Variants in EXOC5 observed in about 807,000 individuals in gnomAD.
EXOC5 encodes the protein exocyst complex component 5, also known as SEC10-like 1.
A neutral mutation model predicts 90.8 loss-of-function variants in EXOC5; 17 were observed. That is an observed-to-expected ratio of 0.19 (90% confidence interval 0.13 to 0.28). The LOEUF (loss-of-function observed/expected upper bound fraction) is 0.28. EXOC5 is among the 10% of genes least tolerant of loss of function. The probability of loss-of-function intolerance (pLI) is 1.00; values close to 1 mark genes in which losing one functional copy is unlikely to be tolerated. For missense variants in EXOC5, 569 were observed against 830.6 expected, an observed-to-expected ratio of 0.69 and a Z score of 3.87; for synonymous variants, 260 against 270.0, an observed-to-expected ratio of 0.96 and a Z score of 0.36.
At chr14:57,248,800 C>T (rs559385161) in intron 1 of EXOC5, among the ~76,000 whole-genome samples, 15 of 152,096 alleles carry the variant, frequency 9.9e-5, no homozygotes, top group African/African-American at 3.6e-4. Context: ...AGAATTAAGT[C>T]CCAAGGATGA....
At chr14:57,251,318 G>C (rs573230678) in intron 1 of EXOC5, among the ~76,000 whole-genome samples, 2 of 152,284 alleles carry the variant, frequency 1.3e-5, no homozygotes, top group Admixed American at 1.3e-4. Context: ...CCTGCTCTGA[G>C]GGCTAATTGC....
At position 57,233,968 on chromosome 14, in the gene EXOC5, A is replaced by G; in HGVS notation, c.714+20T>C. 3.8e-6 allele frequency: 6 copies of G among 1,596,970 alleles called. No homozygotes were observed. In the African/African-American group the frequency reaches 4.0e-5, roughly 11 times the overall value. On this transcript the variant is annotated intron_variant, in intron 8 of 17. Coordinates refer to ENST00000621441, the MANE Select transcript of EXOC5 (RefSeq NM_006544.4). ...CAATTAGCATAAAATAATATCCAAC[A>G]AAGTGTACTGTTATGTTACCTCCTG...
intron 4 of EXOC5, among the ~76,000 whole-genome samples, chr14:57,242,610 T>C (rs1354228944): frequency 6.6e-6 from 1 of 152,144 alleles, no homozygotes; most frequent in African/African-American, 2.4e-5. Context: ...AAGAATATGA[T>C]GTGTTGATAT....
chr14:57,243,916 C>A (rs183398751), intron 4 of EXOC5, among the ~76,000 whole-genome samples: 1 of 152,218 alleles, frequency 6.6e-6, no homozygotes, highest in African/African-American at 2.4e-5. Context: ...ACAGCTACCA[C>A]AGCATTTTTA....
At chr14:57,228,808 AAC>A (rs973187067) in intron 12 of EXOC5, among the ~76,000 whole-genome samples, 7 of 151,532 alleles carry the variant, frequency 4.6e-5, no homozygotes, top group Non-Finnish European at 1.0e-4. Context: ...ATACCTATGT[AAC>A]AAACCTGCAT....
In EXOC5 at chr14:57,237,375, CA is replaced by C; in HGVS notation, c.531-10del. The stretch of plus-strand genomic sequence containing the variant: ...ATTTAACTTCTGAAAATCTGAAAGA[CA>C]AAAACCAACCATGAGGTTTGTTAGT... On this transcript the variant is annotated splice_polypyrimidine_tract_variant and intron_variant, in intron 5 of 17. Coordinates refer to ENST00000621441, the MANE Select transcript of EXOC5 (RefSeq NM_006544.4). The C allele has an allele frequency of 6.6e-7, 1 of 1,520,248 alleles. No individual in the cohort carries two copies. The highest frequency in any genetic ancestry group is 8.9e-7 in the Non-Finnish European group (1 of 1,119,782). The allele number at this position is 1,520,248 out of a possible 1,614,324, so 94.2% of individuals were successfully genotyped here.
intron 9 of EXOC5, 81 bp downstream of exon 9, chr14:57,233,662 T>C (rs1053479666): frequency 1.1e-6 from 1 of 886,410 alleles, no homozygotes; most frequent in Non-Finnish European, 1.7e-6. Flanking sequence ...GTAAACTAAA[T>C]TTTAAAAATA....
intron 1 of EXOC5, among the ~76,000 whole-genome samples, chr14:57,255,677 C>T (rs141534455): frequency 2.0e-5 from 3 of 152,014 alleles, no homozygotes; most frequent in East Asian, 1.9e-4. Context: ...TACTAAAATA[C>T]AAAAAATTAG....
At chr14:57,217,307 T>C (rs897512615) in intron 15 of EXOC5, among the ~76,000 whole-genome samples, 2 of 152,214 alleles carry the variant, frequency 1.3e-5, no homozygotes, top group Non-Finnish European at 2.9e-5. Context: ...GTTTCACAGA[T>C]ACTGTGGTTT....
At chr14:57,210,110 T>C (rs1415115666) in intron 15 of EXOC5, 49 bp from the exon 16 acceptor site, 8 of 775,668 alleles carry the variant, frequency 1.0e-5, no homozygotes, top group Non-Finnish European at 1.7e-5. Flanking sequence ...ACTTACTCTA[T>C]GTTTATGTTT....
At chr14:57,261,334 T>C (rs1884498623) in intron 1 of EXOC5, among the ~76,000 whole-genome samples, 1 of 152,230 alleles carries the variant, frequency 6.6e-6, no homozygotes, top group Admixed American at 6.5e-5. Context: ...AGGGACTCAG[T>C]ATTTTAGATT....
At chr14:57,243,280 T>C (rs1255614360) in intron 4 of EXOC5, 1 of 152,222 alleles carries the variant, frequency 6.6e-6, no homozygotes, top group Non-Finnish European at 1.5e-5. Context: ...AGAGGAATTA[T>C]CTGTACACAC....
chr14:57,219,494 T>C, intron 13 of EXOC5, 52 bp from the exon 14 acceptor site: 2 of 1,426,320 alleles, frequency 1.4e-6, no homozygotes, highest in Middle Eastern at 1.8e-4. Flanking sequence ...GAAATTCATC[T>C]TGGCAACAGA....
In EXOC5 at chr14:57,226,735, A is replaced by AT. The variant is rs1883319970; in HGVS notation, c.1296+2998_1296+2999insA. ...AAGGTTCTACAGTAATTCAGTGCGG[A>AT]AAGGATAGTCTTTTCAATAAATGAA... On this transcript the variant is annotated intron_variant, in intron 12 of 17. Coordinates refer to ENST00000621441, the MANE Select transcript of EXOC5 (RefSeq NM_006544.4). 2.6e-5 allele frequency among the ~76,000 whole-genome samples: 4 copies of AT among 152,316 alleles called. No homozygotes were observed. In the East Asian group the frequency reaches 7.7e-4, roughly 29 times the overall value.
intron 12 of EXOC5, among the ~76,000 whole-genome samples, chr14:57,228,632 CTCAT>C (rs1340160611): frequency 2.1e-4 from 31 of 150,282 alleles, no homozygotes. Context: ...CATGTTCTCA[CTCAT>C]TAAGTGGGAG....
intron 15 of EXOC5, among the ~76,000 whole-genome samples, chr14:57,210,272 C>T (rs1882788002): frequency 6.6e-6 from 1 of 152,112 alleles, no homozygotes; most frequent in South Asian, 2.1e-4. Flanking sequence ...CTGCTCAAAA[C>T]AGAGGGCAAA....
intron 4 of EXOC5, among the ~76,000 whole-genome samples, chr14:57,242,296 G>A (rs1029814870): frequency 6.6e-6 from 1 of 151,934 alleles, no homozygotes; most frequent in African/African-American, 2.4e-5. Flanking sequence ...CCAGGCTGGA[G>A]TGCAGTGTGG....
chr14:57,206,149 C>A lies in EXOC5; in HGVS notation c.*2460G>T, dbSNP rs923599954. On this transcript the variant is annotated 3_prime_UTR_variant, in exon 18 of 18. Coordinates refer to ENST00000621441, the MANE Select transcript of EXOC5 (RefSeq NM_006544.4). ...CCTAAATACTGCATATTAGCTCATG[C>A]GGTATTGTGTAATACTGCAAAGACC... is the stretch of plus-strand genomic sequence containing the variant. 2.4e-5 allele frequency: 9 copies of A among 369,260 alleles called. No individual in the cohort carries two copies. Among genetic ancestry groups the A allele is most frequent in the South Asian group, 1.7e-4 (8 of 48,380 alleles). The allele number at this position is 369,260 out of a possible 1,614,324, so 22.9% of individuals were successfully genotyped here. A position where few individuals can be genotyped will look rare whatever the true frequency, so the allele number is the denominator to read the frequency against.
intron 13 of EXOC5, among the ~76,000 whole-genome samples, chr14:57,219,740 T>A (rs902454534): frequency 6.6e-6 from 1 of 152,104 alleles, no homozygotes; most frequent in African/African-American, 2.4e-5. Context: ...TTATCTCTGA[T>A]AACAGTTCGA....
Sources: allele counts gnomAD v4.1 joint callset (sites outside exome capture counted in the v4.1 genomes callset), GRCh38; gene constraint gnomAD v4.1.1; transcripts MANE v1.5; gene names NCBI Gene and HGNC (gene_info 2026-07-23, HGNC 2026-07-21).